PRL: variants seen among roughly 807,000 people sequenced by gnomAD.
The protein encoded by PRL is decidual prolactin.
PRL carries 24 observed loss-of-function variants against 21.3 expected under a neutral mutation model. The ratio of observed to expected loss-of-function variants is 1.13; its 90% CI spans 0.82 to 1.59. PRL has a LOEUF of 1.59. PRL is among the 40% of genes most tolerant of loss of function. The pLI is 0.00. For missense variants in PRL, 243 were observed against 286.9 expected, an observed-to-expected ratio of 0.85 and a Z score of 1.10; for synonymous variants, 118 against 115.7, an observed-to-expected ratio of 1.02 and a Z score of -0.13.
At chr6:22,300,742 A>T (rs1442101448), upstream of PRL, among the ~76,000 whole-genome samples, 1 of 152,226 alleles carries the variant, frequency 6.6e-6, no homozygotes, top group Admixed American at 6.5e-5. Flanking sequence ...ATCTGTTGTC[A>T]GTGCCTTGAG....
chr6:22,295,680 T>G (rs1274985479), intron 1 of PRL, among the ~76,000 whole-genome samples: 5 of 152,154 alleles, frequency 3.3e-5, no homozygotes, highest in Non-Finnish European at 7.4e-5. Flanking sequence ...ATTTATACTT[T>G]CAAAAGGAAA....
At position 22,287,564 on chromosome 6, in the gene PRL, G is replaced by T. The variant is rs150543868; in HGVS notation, c.522C>A (p.Ile174=). The part of the protein sequence containing the change: ...QVHPETKENE[I]YPVWSGLPSL... The stretch of plus-strand genomic sequence containing the variant: ...ATGGAAGTCCCGACCAGACAGGGTA[G>T]ATCTCATTTTCTTTGGTTTCAGGAT... The change falls in exon 5 of 5, where the codon ATC becomes ATA. Residue 174 remains isoleucine, a synonymous_variant. Coordinates refer to ENST00000306482, the MANE Select transcript of PRL (RefSeq NM_000948.6). 3.7e-6 allele frequency: 6 copies of T among 1,610,330 alleles called. No individual in the cohort carries two copies. The highest frequency in any genetic ancestry group is 1.7e-5 in the Admixed American group (1 of 59,520).
chr6:22,292,680 T>A (rs1001852048), intron 2 of PRL, 35 bp from the exon 3 acceptor site: 16 of 1,564,460 alleles, frequency 1.0e-5, no homozygotes, highest in African/African-American at 1.4e-5. Context: ...TTAGTTGGGG[T>A]TGTTTGGGCA....
In PRL at chr6:22,288,787, C is replaced by T. The variant is rs569755762; in HGVS notation, c.493-1194G>A. On this transcript the variant is annotated intron_variant, in intron 4 of 4. Coordinates refer to ENST00000306482, the MANE Select transcript of PRL (RefSeq NM_000948.6). The surrounding 1 kb of genome is among the most constrained non-coding windows in gnomAD (Gnocchi z 4.5). ...TATTAGGTATATATCTGGATGTAGA[C>T]GCCGATCTGCTAAACCTTTTCCTAC... Among the ~76,000 whole-genome samples, 2 of 152,246 alleles carry T rather than the reference C, an allele frequency of 1.3e-5. No homozygotes were observed. Among genetic ancestry groups the T allele is most frequent in the South Asian group, 2.1e-4 (1 of 4,824 alleles).
chr6:22,297,873 A>G, upstream of PRL, among the ~76,000 whole-genome samples: 1 of 152,208 alleles, frequency 6.6e-6, no homozygotes, highest in Non-Finnish European at 1.5e-5. Flanking sequence ...CACCAGCCTA[A>G]TAATTCTATA....
In PRL at chr6:22,297,009, T is replaced by G. The variant is rs745653512; in HGVS notation, c.-27A>C. ...TTCGTGATCGTTGCAGGAAACACACTTCACCAGAGAAGATCTGGAAGTCTC... is the reference window on the plus strand; with the variant it reads ...TTCGTGATCGTTGCAGGAAACACACGTCACCAGAGAAGATCTGGAAGTCTC... On this transcript the variant is annotated 5_prime_UTR_variant, in exon 1 of 5. Transcript: ENST00000306482. The G allele has an allele frequency of 1.9e-6, 3 of 1,613,514 alleles. No individual in the cohort carries two copies. In the South Asian group the frequency reaches 3.3e-5, roughly 18 times the overall value.
rs753189223 is a variant in PRL at position 22,287,549 on chromosome 6, C to T, written c.537G>A (p.Ser179=). Residue 179 remains serine (S), a synonymous_variant, in exon 5 of 5, where the codon TCG becomes TCA. Coordinates refer to ENST00000306482, the MANE Select transcript of PRL (RefSeq NM_000948.6). ...TKENEIYPVW[S]GLPSLQMADE... ...CAGCCATCTGCAGGGATGGAAGTCC[C>T]GACCAGACAGGGTAGATCTCATTTT... 89 of 1,613,664 alleles carry T rather than the reference C, an allele frequency of 5.5e-5. No individual in the cohort carries two copies. The East Asian group carries it at 1.2e-3, about 22-fold the overall frequency.
At chr6:22,296,904 C>G (rs1182675953) in intron 1 of PRL, 51 bp downstream of exon 1, 1 of 1,584,462 alleles carries the variant, frequency 6.3e-7, no homozygotes, top group Non-Finnish European at 8.7e-7. Flanking sequence ...ACATTAATCC[C>G]CCCACAGGAG....
chr6:22,299,695 T>C (rs957251912), upstream of PRL, among the ~76,000 whole-genome samples: 5 of 151,978 alleles, frequency 3.3e-5, no homozygotes, highest in Admixed American at 3.3e-4. Context: ...AAAAATTAGC[T>C]AGGCGTGGTG....
chr6:22,301,174 C>T (rs763354537), upstream of PRL, among the ~76,000 whole-genome samples: 1 of 152,196 alleles, frequency 6.6e-6, no homozygotes, highest in Non-Finnish European at 1.5e-5. Context: ...AGAGCTGAAG[C>T]ATGCCTACTT....
At chr6:22,294,923 G>A (rs904894715) in intron 1 of PRL, among the ~76,000 whole-genome samples, 16 of 152,062 alleles carry the variant, frequency 1.1e-4, no homozygotes, top group African/African-American at 3.6e-4. Flanking sequence ...TGTCTTGGGA[G>A]TTTCTGCAGA....
chr6:22,296,445 C>T (rs1182586239), intron 1 of PRL, among the ~76,000 whole-genome samples: 1 of 152,184 alleles, frequency 6.6e-6, no homozygotes, highest in Non-Finnish European at 1.5e-5. Context: ...TTGAAAGTTT[C>T]ATCAGGTTGA....
upstream of PRL, among the ~76,000 whole-genome samples, chr6:22,302,163 T>A (rs1481050391): frequency 6.6e-6 from 1 of 152,190 alleles, no homozygotes; most frequent in African/African-American, 2.4e-5. Context: ...AAGCTGATTT[T>A]TTATCAGTTA....
chr6:22,294,034 A>C (rs1229439708), intron 2 of PRL, among the ~76,000 whole-genome samples: 2 of 152,140 alleles, frequency 1.3e-5, no homozygotes, highest in Non-Finnish European at 2.9e-5. Context: ...TCATTATTGG[A>C]TATCTATTCC....
chr6:22,298,934 C>T (rs569487540), upstream of PRL, among the ~76,000 whole-genome samples: 2 of 152,206 alleles, frequency 1.3e-5, no homozygotes, highest in South Asian at 2.1e-4. Flanking sequence ...GTCTGTCAGT[C>T]GATTTATTTG....
At chr6:22,297,136 G>A (rs897023442), upstream of PRL, 22 of 709,334 alleles carry the variant, frequency 3.1e-5, no homozygotes, top group Non-Finnish European at 2.6e-5. Flanking sequence ...ATCTATTTCC[G>A]TCATTGAGAT....
Position 22,288,598 on chromosome 6 carries a change from T to G in PRL, c.493-1005A>C, listed in dbSNP as rs939234638. ...CAGTGGTGAGGGCTGTGTGGTAGGG[T>G]TGGGGGCATGGCTGTGATAACAAAA... On this transcript the variant is annotated intron_variant, in intron 4 of 4. Transcript: ENST00000306482. This position sits in a 1 kb window ranked among gnomAD's most constrained non-coding sequence, Gnocchi z 4.5. Among the ~76,000 whole-genome samples the G allele has an allele frequency of 3.3e-5, 5 of 150,416 alleles. No homozygotes were observed. The highest frequency in any genetic ancestry group is 2.1e-4 in the South Asian group (1 of 4,750).
chr6:22,294,274 C>T lies in PRL; in HGVS notation c.204+135G>A, dbSNP rs1581387317. The T allele has an allele frequency of 1.1e-5, 10 of 936,232 alleles. No individual in the cohort carries two copies. In the East Asian group the frequency reaches 1.2e-4, roughly 12 times the overall value. 58.0% of individuals were successfully genotyped at this position (936,232 alleles called of 1,614,324 possible). ...TTCTTCTTGTTCCACATCTTATGAG[C>T]TGGTGTCTTCTTTCACATGTTAAAA... is the stretch of plus-strand genomic sequence containing the variant. On this transcript the variant is annotated intron_variant, in intron 2 of 4. Coordinates refer to ENST00000306482, the MANE Select transcript of PRL (RefSeq NM_000948.6).
upstream of PRL, chr6:22,297,465 T>A (rs1761202593): frequency 6.5e-6 from 1 of 154,570 alleles, no homozygotes; most frequent in African/African-American, 2.4e-5. Context: ...GATTTTAAAA[T>A]TTTTACACTA....
Sources: gnomAD v4.1 joint callset for allele counts (sites outside exome capture counted in the v4.1 genomes callset) on GRCh38, gnomAD v4.1.1 for gene constraint, Gnocchi (gnomAD v3.1) non-coding constraint, MANE v1.5 for transcripts, NCBI Gene and HGNC (gene_info 2026-07-23, HGNC 2026-07-21) for gene names.